The following PCDHA3 variants were observed in gnomAD, a reference collection of about 807,000 sequenced individuals.
PCDHA3 encodes the protein protocadherin alpha 3, also known as protocadherin alpha-3.
Under a neutral mutation model 62.2 loss-of-function variants are expected in PCDHA3, and 41 were observed. The ratio of observed to expected loss-of-function variants is 0.66; its 90% CI spans 0.51 to 0.86. PCDHA3 has a LOEUF of 0.86. Ranked by LOEUF, PCDHA3 falls within the 40% of genes least tolerant of loss-of-function variation. The probability of loss-of-function intolerance (pLI) is 0.00; values close to 1 mark genes in which losing one functional copy is unlikely to be tolerated. For synonymous variants in PCDHA3, 640 were observed against 555.4 expected (o/e 1.15, Z -2.14); for missense variants, 1,304 against 1,241.2 (o/e 1.05, Z -0.76).
At chr5:140,938,887 A>ACG (rs2092246756) in intron 1 of PCDHA3, among the ~76,000 whole-genome samples, 1 of 152,094 alleles carries the variant, frequency 6.6e-6, no homozygotes, top group South Asian at 2.1e-4. Flanking sequence ...ACACACACAC[A>ACG]CACAGATGCG....
At chr5:141,000,361 G>GTC (rs148596731) in intron 3 of PCDHA3, among the ~76,000 whole-genome samples, 441 of 26,430 alleles carry the variant, frequency 0.017, 8 homozygotes, top group Non-Finnish European at 0.02. Flanking sequence ...GTCTCTCTCT[G>GTC]TCTCTCTCTC....
intron 1 of PCDHA3, chr5:140,835,529 C>A (rs2150237591): frequency 1.2e-6 from 2 of 1,613,850 alleles, no homozygotes; most frequent in Admixed American, 1.7e-5. Context: ...TTGGAGTCAA[C>A]GGACAGGTTA....
intron 1 of PCDHA3, chr5:140,863,394 G>A (rs1342756414): frequency 2.2e-6 from 2 of 929,190 alleles, no homozygotes; most frequent in South Asian, 1.3e-5. Context: ...CGTGCATGCC[G>A]GGCAAGCCCA....
chr5:140,992,369 A>G (rs1554252849), intron 3 of PCDHA3, among the ~76,000 whole-genome samples: 1 of 152,188 alleles, frequency 6.6e-6, no homozygotes, highest in Non-Finnish European at 1.5e-5. Context: ...AATGGTTCCC[A>G]TTACATTATT....
intron 1 of PCDHA3, chr5:140,857,029 A>G: frequency 1.3e-6 from 2 of 1,596,504 alleles, no homozygotes; most frequent in Non-Finnish European, 1.7e-6. Context: ...AGGGAAACCC[A>G]CCTATGGTTG....
intron 1 of PCDHA3, chr5:140,822,655 A>T (rs2150118230): frequency 1.2e-6 from 2 of 1,608,946 alleles, no homozygotes; most frequent in East Asian, 4.5e-5. Context: ...CAAATTTATA[A>T]TTAATTCTAA....
At position 140,841,226 on chromosome 5, in the gene PCDHA3, G is replaced by A. The variant is rs2150312161; in HGVS notation, c.2394+37635G>A. 1.1e-5 allele frequency: 16 copies of A among 1,452,002 alleles called. 1 individual carries two copies. Among genetic ancestry groups the A allele is most frequent in the Non-Finnish European group, 1.5e-5 (16 of 1,077,992 alleles). The allele number at this position is 1,452,002 out of a possible 1,614,324, so 89.9% of individuals were successfully genotyped here. On this transcript the variant is annotated intron_variant, in intron 1 of 3. Transcript: ENST00000522353. The stretch of plus-strand genomic sequence containing the variant: ...CATCTGTCTCTAAAGGCCGAACAAC[G>A]GGAGATGCAGCGGAATTGGATTAAA...
Position 140,802,650 on chromosome 5 carries a change from C to T in PCDHA3, c.1453C>T (p.Gln485Ter), listed in dbSNP as rs781790782. The T allele has an allele frequency of 6.2e-7, 1 of 1,613,686 alleles. No homozygotes were observed. The highest frequency in any genetic ancestry group is 8.5e-7 in the Non-Finnish European group (1 of 1,179,866). The change falls in exon 1 of 4, where the codon CAG becomes TAG. Residue 485 changes from glutamine (Q) to a stop codon, truncating the protein, a stop_gained. Coordinates refer to ENST00000522353, the MANE Select transcript of PCDHA3 (RefSeq NM_018906.3). LOFTEE classifies it high-confidence loss of function. ...FTVSARDADA[Q>*]ENALVSYSLV... Reference sequence around the variant, plus strand: ...GGTGTCTGCGCGGGACGCGGACGCGCAGGAGAACGCCCTGGTGTCCTACTC... The same window carrying T: ...GGTGTCTGCGCGGGACGCGGACGCGTAGGAGAACGCCCTGGTGTCCTACTC...
intron 1 of PCDHA3, chr5:140,836,861 T>A (rs1774783452): frequency 2.6e-6 from 2 of 770,272 alleles, no homozygotes; most frequent in South Asian, 4.4e-5. Context: ...TATTTTTTAA[T>A]GTTATGCTGT....
At chr5:140,877,571 T>C in intron 1 of PCDHA3, 1 of 1,613,760 alleles carries the variant, frequency 6.2e-7, no homozygotes, top group African/African-American at 1.3e-5. Context: ...AACGTGTACC[T>C]CATCATCGCC....
At chr5:140,936,184 C>T (rs572832347) in intron 1 of PCDHA3, among the ~76,000 whole-genome samples, 4 of 152,308 alleles carry the variant, frequency 2.6e-5, no homozygotes, top group African/African-American at 4.8e-5. Context: ...TAAACCACCA[C>T]GCCCAGCCAA....
chr5:140,922,765 A>T (rs1346337086), intron 1 of PCDHA3, among the ~76,000 whole-genome samples: 1 of 152,258 alleles, frequency 6.6e-6, no homozygotes, highest in Non-Finnish European at 1.5e-5. Flanking sequence ...TAAAGAATTT[A>T]AAAGAACTGG....
At chr5:141,005,769 G>A (rs1421440870) in intron 3 of PCDHA3, among the ~76,000 whole-genome samples, 3 of 129,926 alleles carry the variant, frequency 2.3e-5, no homozygotes, top group Non-Finnish European at 4.9e-5. Context: ...AAGCAAACCA[G>A]ATGTGTAAAG....
rs1412963703 is a variant in PCDHA3, at chr5:140,852,839, T to C, written c.2394+49248T>C. 5.2e-6 allele frequency: 5 copies of C among 968,992 alleles called. 1 individual carries two copies. Among genetic ancestry groups the C allele is most frequent in the Non-Finnish European group, 6.2e-6 (5 of 802,288 alleles). The allele number at this position is 968,992 out of a possible 1,614,324, so 60.0% of individuals were successfully genotyped here. On this transcript the variant is annotated intron_variant, in intron 1 of 3. Coordinates refer to ENST00000522353, the MANE Select transcript of PCDHA3 (RefSeq NM_018906.3). Reference sequence around the variant, plus strand: ...CTAAGTCCTCCAGTCTCCTTAGAGCTAGTACTTACTAAGCATTTACTATGT... The same window carrying C: ...CTAAGTCCTCCAGTCTCCTTAGAGCCAGTACTTACTAAGCATTTACTATGT...
chr5:140,834,580 C>A lies in PCDHA3; in HGVS notation c.2394+30989C>A, dbSNP rs782011323. 9 of 1,613,900 alleles carry A rather than the reference C, an allele frequency of 5.6e-6. No homozygotes were observed. The Admixed American group carries it at 8.3e-5, about 15-fold the overall frequency. Reference sequence around the variant, plus strand: ...GAGCTGGTGCCGCGCCTGTTCCGGGCGGTGTGCAAATTCCGTGGGGATCTT... The same window carrying A: ...GAGCTGGTGCCGCGCCTGTTCCGGGAGGTGTGCAAATTCCGTGGGGATCTT... On this transcript the variant is annotated intron_variant, in intron 1 of 3. Coordinates refer to ENST00000522353, the MANE Select transcript of PCDHA3 (RefSeq NM_018906.3).
chr5:140,870,528 A>T, intron 1 of PCDHA3: 11 of 1,614,214 alleles, frequency 6.8e-6, no homozygotes, highest in Non-Finnish European at 7.6e-6. Context: ...ACATCTTCAC[A>T]GTGTCGGCGC....
At chr5:140,808,086 G>C in intron 1 of PCDHA3, 1 of 1,613,968 alleles carries the variant, frequency 6.2e-7, no homozygotes, top group African/African-American at 1.3e-5. Context: ...CCAATTACTG[G>C]ACAAATTATT....
At chr5:140,829,389 C>T (rs1770271281) in intron 1 of PCDHA3, 3 of 1,614,192 alleles carry the variant, frequency 1.9e-6, no homozygotes, top group Non-Finnish European at 2.5e-6. Flanking sequence ...GGGGGCTCGC[C>T]TTCGCTGTGG....
At chr5:140,966,264 G>C (rs959228779) in intron 1 of PCDHA3, 3 of 347,414 alleles carry the variant, frequency 8.6e-6, no homozygotes, top group Non-Finnish European at 1.5e-5. Flanking sequence ...GTGGAGACTG[G>C]ATGAACTGGA....
Sources: allele counts gnomAD v4.1 joint callset (sites outside exome capture counted in the v4.1 genomes callset), GRCh38; gene constraint gnomAD v4.1.1; transcripts MANE v1.5; gene names NCBI Gene and HGNC (gene_info 2026-07-23, HGNC 2026-07-21).